KCND2: variants seen among roughly 807,000 people sequenced by gnomAD.
KCND2 encodes potassium voltage-gated channel subfamily D member 2.
KCND2 carries 16 observed loss-of-function variants against 54.4 expected under a neutral mutation model. The ratio of observed to expected loss-of-function variants is 0.29; its 90% CI spans 0.20 to 0.45. The LOEUF is 0.45. Ranked by LOEUF, KCND2 falls within the 20% of genes least tolerant of loss-of-function variation. KCND2 has a pLI of 1.00. For missense variants in KCND2, 486 were observed against 824.2 expected (o/e 0.59, Z 5.02); for synonymous variants, 317 against 310.7 (o/e 1.02, Z -0.21).
At chr7:120,600,623 GACAA>G (rs1168379653) in intron 1 of KCND2, among the ~76,000 whole-genome samples, 2 of 151,972 alleles carry the variant, frequency 1.3e-5, no homozygotes, top group Non-Finnish European at 2.9e-5. Context: ...AAAGAAAAGG[GACAA>G]ACAATGATTT....
intron 1 of KCND2, among the ~76,000 whole-genome samples, chr7:120,716,010 T>C (rs1469807406): frequency 7.3e-6 from 1 of 137,576 alleles, no homozygotes; most frequent in Non-Finnish European, 1.6e-5. Context: ...AATAATTAGC[T>C]AAGAGAGTTT....
chr7:120,735,931 A>T (rs1392811172), intron 2 of KCND2, among the ~76,000 whole-genome samples: 1 of 152,040 alleles, frequency 6.6e-6, no homozygotes, highest in Non-Finnish European at 1.5e-5. Flanking sequence ...CCAAGAGATT[A>T]GGGGGAAAAA....
chr7:120,357,817 C>G (rs1800527658), intron 1 of KCND2, among the ~76,000 whole-genome samples: 1 of 152,064 alleles, frequency 6.6e-6, no homozygotes, highest in Non-Finnish European at 1.5e-5. Context: ...TCTGTCTCCT[C>G]TTATAAGGAT....
chr7:120,554,331 G>A (rs1792136175), intron 1 of KCND2, among the ~76,000 whole-genome samples: 1 of 152,132 alleles, frequency 6.6e-6, no homozygotes, highest in African/African-American at 2.4e-5. Context: ...TCACCTGGAG[G>A]GCTTCCTAAC....
intron 1 of KCND2, among the ~76,000 whole-genome samples, chr7:120,402,224 A>G (rs535322304): frequency 1.3e-4 from 20 of 152,274 alleles, no homozygotes; most frequent in Non-Finnish European, 1.8e-4. Flanking sequence ...GCTACTGTAA[A>G]TAATAGCCAT....
chr7:120,580,665 G>C (rs867258978), intron 1 of KCND2, among the ~76,000 whole-genome samples: 1 of 152,146 alleles, frequency 6.6e-6, no homozygotes, highest in Non-Finnish European at 1.5e-5. Context: ...TAATAAGAAA[G>C]ATATGGTTTT....
rs772130064 is a variant in KCND2, at chr7:120,275,102, C to T, written c.470C>T (p.Ala157Val). 3 of 1,613,800 alleles carry T rather than the reference C, an allele frequency of 1.9e-6. No individual in the cohort carries two copies. The South Asian group carries it at 3.3e-5, about 18-fold the overall frequency. ...CAGGACGACGCGGATACCGACACCGCTGGGGAGAGCGCCTTGCCCACCATG... is the reference window on the plus strand; with the variant it reads ...CAGGACGACGCGGATACCGACACCGTTGGGGAGAGCGCCTTGCCCACCATG... ...RLQDDADTDTAGESALPTMTA... is the reference protein window; with the variant it reads ...RLQDDADTDTVGESALPTMTA... The change falls in exon 1 of 6, where the codon GCT (alanine) becomes GTT (valine). Residue 157 changes from alanine (A) to valine (V), a missense_variant. Ala to Val is a moderately conservative substitution (Grantham distance 64). Transcript: ENST00000331113.
chr7:120,286,871 G>C (rs1799353113), intron 1 of KCND2, among the ~76,000 whole-genome samples: 1 of 152,110 alleles, frequency 6.6e-6, no homozygotes, highest in South Asian at 2.1e-4. Flanking sequence ...AAACAGAAAT[G>C]ATTAGGCAAG....
At chr7:120,634,533 A>G (rs1470059757) in intron 1 of KCND2, among the ~76,000 whole-genome samples, 1 of 152,036 alleles carries the variant, frequency 6.6e-6, no homozygotes, top group East Asian at 1.9e-4. Context: ...GACCTCCCTC[A>G]ACTCACTTGC....
intron 1 of KCND2, among the ~76,000 whole-genome samples, chr7:120,472,997 G>T (rs377326576): frequency 6.6e-6 from 1 of 152,158 alleles, no homozygotes; most frequent in Non-Finnish European, 1.5e-5. Flanking sequence ...GGAGTTCACC[G>T]ATAGCAAGGA....
At chr7:120,279,971 AG>A (rs1287657124) in intron 1 of KCND2, among the ~76,000 whole-genome samples, 1 of 151,930 alleles carries the variant, frequency 6.6e-6, no homozygotes, top group Admixed American at 6.6e-5. Flanking sequence ...AGAGACTTAA[AG>A]TTTACCCAGC....
At chr7:120,372,972 T>A (rs1212623967) in intron 1 of KCND2, among the ~76,000 whole-genome samples, 1 of 151,850 alleles carries the variant, frequency 6.6e-6, no homozygotes, top group African/African-American at 2.4e-5. Flanking sequence ...ACTTCGGATT[T>A]GTGCCCTTAG....
intron 1 of KCND2, among the ~76,000 whole-genome samples, chr7:120,417,198 A>C (rs905599379): frequency 6.6e-6 from 1 of 152,200 alleles, no homozygotes; most frequent in Non-Finnish European, 1.5e-5. Context: ...AAATATTTTA[A>C]AATAAATACC....
chr7:120,521,876 ACT>A (rs1791700170), intron 1 of KCND2, among the ~76,000 whole-genome samples: 4 of 151,838 alleles, frequency 2.6e-5, no homozygotes, highest in South Asian at 2.1e-4. Flanking sequence ...TTGGGAGAAA[ACT>A]CTGTGTTTTT....
rs747777420 is a variant in KCND2, at chr7:120,741,612, C to A, written c.1357C>A (p.Leu453Ile). Residue 453 changes from leucine (L) to isoleucine (I), a missense_variant, in exon 3 of 6, where the codon CTC becomes ATC. Around this residue, in one of 7 missense-constraint regions of KCND2, gnomAD observed 202 missense variants for 252.7 expected, o/e 0.80. Transcript: ENST00000331113. ...AYMQSKRNGL[L>I]SNQLQSSEDE... ...CATGCAGAGCAAACGGAATGGTTTACTCAGTAATCAGCTGCAGGTACAATC... is the reference window on the plus strand; with the variant it reads ...CATGCAGAGCAAACGGAATGGTTTAATCAGTAATCAGCTGCAGGTACAATC... 1 of 1,611,826 alleles carries A rather than the reference C, an allele frequency of 6.2e-7. No homozygotes were observed. Among genetic ancestry groups the A allele is most frequent in the Non-Finnish European group, 8.5e-7 (1 of 1,178,142 alleles).
chr7:120,341,938 G>A (rs1339220649), intron 1 of KCND2, among the ~76,000 whole-genome samples: 4 of 152,122 alleles, frequency 2.6e-5, no homozygotes, highest in African/African-American at 7.2e-5. Context: ...GAGGAAAATC[G>A]TATAGAAACT....
chr7:120,552,238 G>A (rs1792112558), intron 1 of KCND2, among the ~76,000 whole-genome samples: 1 of 152,152 alleles, frequency 6.6e-6, no homozygotes, highest in African/African-American at 2.4e-5. Flanking sequence ...ATTGGATTAA[G>A]AGAATAACCA....
intron 1 of KCND2, among the ~76,000 whole-genome samples, chr7:120,634,143 T>A (rs745810205): frequency 2.0e-5 from 3 of 152,186 alleles, no homozygotes; most frequent in Non-Finnish European, 2.9e-5. Context: ...GAGCCATATA[T>A]TCTAGGCTCA....
In KCND2 at chr7:120,732,966, T is replaced by C. The variant is rs1230166385; in HGVS notation, c.1179T>C (p.Ser393=). 2.5e-6 allele frequency: 4 copies of C among 1,613,590 alleles called. No individual in the cohort carries two copies. The South Asian group carries it at 4.4e-5, about 18-fold the overall frequency. Reference sequence around the variant, plus strand: ...TTTTTGGTTCTATCTGTTCGCTGAGTGGGGTCTTGGTCATTGCTCTACCTG... The same window carrying C: ...TTTTTGGTTCTATCTGTTCGCTGAGCGGGGTCTTGGTCATTGCTCTACCTG... ...GKIFGSICSL[S]GVLVIALPVP... Residue 393 remains serine, a synonymous_variant, in exon 2 of 6, where the codon AGT becomes AGC. Transcript: ENST00000331113.
Sources: gnomAD v4.1 joint callset for allele counts (sites outside exome capture counted in the v4.1 genomes callset) on GRCh38, gnomAD v4.1.1 for gene constraint, gnomAD v4.1.1 regional missense constraint, MANE v1.5 for transcripts, NCBI Gene and HGNC (gene_info 2026-07-23, HGNC 2026-07-21) for gene names.